Variants in RCAN2 observed in about 807,000 individuals in gnomAD.
RCAN2 encodes the protein regulator of calcineurin 2.
Under a neutral mutation model 23.6 loss-of-function variants are expected in RCAN2, and 9 were observed. That is an observed-to-expected ratio of 0.38 (90% CI 0.23 to 0.67). The LOEUF (loss-of-function observed/expected upper bound fraction) is 0.67, where lower values mean the gene tolerates loss of function less well. Among genes scored for constraint, RCAN2 ranks in the 30% least tolerant of loss-of-function variants. The probability of loss-of-function intolerance (pLI) is 0.51; values close to 1 mark genes in which losing one functional copy is unlikely to be tolerated. For synonymous variants in RCAN2, 109 were observed against 115.7 expected (o/e 0.94, Z 0.37); for missense variants, 273 against 302.3 (o/e 0.90, Z 0.72).
intron 2 of RCAN2, among the ~76,000 whole-genome samples, chr6:46,377,125 T>C (rs1765496176): frequency 6.6e-6 from 1 of 152,158 alleles, no homozygotes; most frequent in Non-Finnish European, 1.5e-5. Flanking sequence ...GATATACCCA[T>C]GGTTATGCCG....
chr6:46,468,207 T>A (rs1374411398), intron 1 of RCAN2, among the ~76,000 whole-genome samples: 2 of 152,252 alleles, frequency 1.3e-5, no homozygotes, highest in Non-Finnish European at 2.9e-5. Context: ...ATTGTTTTAC[T>A]TTCCAAGAAA....
At chr6:46,406,398 C>T (rs1341787160) in intron 2 of RCAN2, among the ~76,000 whole-genome samples, 2 of 152,240 alleles carry the variant, frequency 1.3e-5, no homozygotes, top group African/African-American at 4.8e-5. Flanking sequence ...AATAAAGTCA[C>T]TCCTCCAAAT....
rs114474806 is a variant in RCAN2 at position 46,224,154 on chromosome 6, G to C, written c.572-853C>G. Among the ~76,000 whole-genome samples the C allele has an allele frequency of 1.9e-3, 288 of 152,270 alleles. 1 individual carries two copies. The highest frequency in any genetic ancestry group is 6.8e-3 in the African/African-American group (281 of 41,536). ...ACTCTGAAAGGCTTCCTAGTGGACT[G>C]GCAGCTGATCTGGGTCTAAAAGACA... On this transcript the variant is annotated intron_variant, in intron 4 of 4. Coordinates refer to ENST00000371374, the MANE Select transcript of RCAN2 (RefSeq NM_001251974.2).
At chr6:46,436,823 A>T (rs1767382061) in intron 2 of RCAN2, among the ~76,000 whole-genome samples, 1 of 152,168 alleles carries the variant, frequency 6.6e-6, no homozygotes, top group Non-Finnish European at 1.5e-5. Flanking sequence ...CTGCTATATC[A>T]TTTCCCTAAT....
Position 46,270,288 on chromosome 6 carries a change from G to A in RCAN2, c.226-21392C>T, listed in dbSNP as rs75740682. ...GAAGCGCTGACTCTGAGGGCTGCAG[G>A]AGTGCCGGGACCTTGCTGAGGGGCA... On this transcript the variant is annotated intron_variant, in intron 2 of 4. Transcript: ENST00000371374. Among the ~76,000 whole-genome samples the A allele has an allele frequency of 2.0e-3, 312 of 152,298 alleles. 3 individuals are homozygous for A. Among genetic ancestry groups the A allele is most frequent in the African/African-American group, 7.4e-3 (306 of 41,556 alleles).
At chr6:46,306,301 C>T (rs953723378) in intron 2 of RCAN2, among the ~76,000 whole-genome samples, 2 of 152,112 alleles carry the variant, frequency 1.3e-5, no homozygotes, top group African/African-American at 4.8e-5. Flanking sequence ...AGAATTCCAG[C>T]CCAACCATAA....
At chr6:46,323,581 CT>C (rs1196092260) in intron 2 of RCAN2, among the ~76,000 whole-genome samples, 1 of 152,158 alleles carries the variant, frequency 6.6e-6, no homozygotes, top group African/African-American at 2.4e-5. Flanking sequence ...AGAGAACCTA[CT>C]GCAGTCAAAA....
chr6:46,436,358 G>A lies in RCAN2; in HGVS notation c.225+20394C>T, dbSNP rs556604392. On this transcript the variant is annotated intron_variant, in intron 2 of 4. Coordinates refer to ENST00000371374, the MANE Select transcript of RCAN2 (RefSeq NM_001251974.2). ...CTCCCGAGTAGCTGGGATTACAGGC[G>A]CGTGCCAGCATGCCCGGCTAATTTT... Among the ~76,000 whole-genome samples, 93 of 152,256 alleles carry A rather than the reference G, an allele frequency of 6.1e-4. 1 individual carries two copies. Among genetic ancestry groups the A allele is most frequent in the African/African-American group, 1.7e-3 (69 of 41,554 alleles).
chr6:46,311,838 T>C (rs916371274), intron 2 of RCAN2, among the ~76,000 whole-genome samples: 8 of 152,214 alleles, frequency 5.3e-5, no homozygotes, highest in African/African-American at 1.9e-4. Flanking sequence ...CTAGAGATTG[T>C]TATGTGTCTC....
chr6:46,348,083 G>C (rs1764542448), intron 2 of RCAN2, among the ~76,000 whole-genome samples: 2 of 152,164 alleles, frequency 1.3e-5, no homozygotes, highest in South Asian at 4.1e-4. Context: ...ATAAAGACTA[G>C]ATTTCCATCG....
At chr6:46,388,314 G>A (rs1765828129) in intron 2 of RCAN2, among the ~76,000 whole-genome samples, 1 of 151,964 alleles carries the variant, frequency 6.6e-6, no homozygotes, top group Non-Finnish European at 1.5e-5. Context: ...AGATGTCAGC[G>A]AGGCTGTGGT....
At chr6:46,430,079 T>C (rs1174975817) in intron 2 of RCAN2, among the ~76,000 whole-genome samples, 3 of 152,154 alleles carry the variant, frequency 2.0e-5, no homozygotes, top group African/African-American at 4.8e-5. Flanking sequence ...GTTTTACACA[T>C]ACCATATTTG....
At chr6:46,287,198 A>G (rs1762402686) in intron 2 of RCAN2, among the ~76,000 whole-genome samples, 1 of 152,186 alleles carries the variant, frequency 6.6e-6, no homozygotes. Context: ...CTAGCACACC[A>G]AGGCCTTTGA....
chr6:46,298,566 T>C (rs1762795617), intron 2 of RCAN2, among the ~76,000 whole-genome samples: 1 of 152,066 alleles, frequency 6.6e-6, no homozygotes, highest in African/African-American at 2.4e-5. Flanking sequence ...ACCTGAAGAT[T>C]CTCCCTCACT....
intron 1 of RCAN2, among the ~76,000 whole-genome samples, chr6:46,462,433 G>A (rs9472754): frequency 0.07 from 10,678 of 152,094 alleles, 856 homozygotes; most frequent in African/African-American, 0.2. Context: ...TCATTTTTTC[G>A]CAAACATGTG....
chr6:46,340,811 TTA>T (rs1460962000), intron 2 of RCAN2, among the ~76,000 whole-genome samples: 2 of 152,218 alleles, frequency 1.3e-5, no homozygotes, highest in Non-Finnish European at 2.9e-5. Flanking sequence ...AAATCTAATT[TTA>T]TACAGAATCA....
intron 2 of RCAN2, among the ~76,000 whole-genome samples, chr6:46,306,130 G>T (rs961676689): frequency 3.9e-5 from 6 of 152,198 alleles, no homozygotes; most frequent in Non-Finnish European, 7.4e-5. Flanking sequence ...GATATGGTGA[G>T]GAGTAGGCAG....
chr6:46,255,166 C>T (rs187285432), intron 2 of RCAN2, among the ~76,000 whole-genome samples: 59 of 152,208 alleles, frequency 3.9e-4, no homozygotes, highest in African/African-American at 1.3e-3. Context: ...TACAGAGCAC[C>T]TAATATAATT....
At chr6:46,394,661 T>C (rs916367548) in intron 2 of RCAN2, among the ~76,000 whole-genome samples, 2 of 152,204 alleles carry the variant, frequency 1.3e-5, no homozygotes, top group Non-Finnish European at 2.9e-5. Flanking sequence ...CTTTTGCTTT[T>C]ACCCTCAGTG....
Sources: gnomAD v4.1 joint callset for allele counts (sites outside exome capture counted in the v4.1 genomes callset) on GRCh38, gnomAD v4.1.1 for gene constraint, MANE v1.5 for transcripts, NCBI Gene and HGNC (gene_info 2026-07-23, HGNC 2026-07-21) for gene names.